Variants in LRRC1 observed in about 807,000 individuals in gnomAD.
LRRC1 encodes leucine-rich repeat-containing protein 1.
In LRRC1, 28 loss-of-function variants were observed where a neutral mutation model predicts 69.9. That is an observed-to-expected ratio of 0.40 (90% CI 0.30 to 0.55). The LOEUF is 0.55. LRRC1 is among the 20% of genes least tolerant of loss of function. The pLI, the probability that LRRC1 is intolerant of heterozygous loss-of-function variation, is 0.47. For missense variants in LRRC1, 498 were observed against 609.0 expected (o/e 0.82, Z 1.92); for synonymous variants, 236 against 240.2 (o/e 0.98, Z 0.16).
At chr6:53,857,731 CAG>C (rs1166879358) in intron 2 of LRRC1, among the ~76,000 whole-genome samples, 3 of 152,194 alleles carry the variant, frequency 2.0e-5, no homozygotes, top group Non-Finnish European at 2.9e-5. Flanking sequence ...ACACCAAAGA[CAG>C]TGTCAAAAGT....
At chr6:53,878,934 G>T in intron 2 of LRRC1, 59 bp from the exon 3 acceptor site, 1 of 960,474 alleles carries the variant, frequency 1.0e-6, no homozygotes, top group South Asian at 1.4e-5. Flanking sequence ...TCCATCTTGA[G>T]AGTGATGAAA....
At chr6:53,897,466 C>A in intron 7 of LRRC1, 107 bp downstream of exon 7, 1 of 741,614 alleles carries the variant, frequency 1.3e-6, no homozygotes, top group East Asian at 2.8e-5. Context: ...TCTTGAAAAC[C>A]AAAAACATTG....
At chr6:53,920,463 GT>G in intron 12 of LRRC1, 161 bp from the exon 13 acceptor site, 1 of 611,116 alleles carries the variant, frequency 1.6e-6, no homozygotes, top group Non-Finnish European at 2.8e-6. Flanking sequence ...TTTTGTGTGT[GT>G]TTGTGTTTTA....
chr6:53,836,039 T>C (rs1424014906), intron 1 of LRRC1, among the ~76,000 whole-genome samples: 1 of 152,228 alleles, frequency 6.6e-6, no homozygotes, highest in Non-Finnish European at 1.5e-5. Context: ...TTGCAGCTTT[T>C]GCCGTTGCCC....
At chr6:53,818,611 AT>A (rs1765021367) in intron 1 of LRRC1, among the ~76,000 whole-genome samples, 1 of 152,220 alleles carries the variant, frequency 6.6e-6, no homozygotes, top group Non-Finnish European at 1.5e-5. Flanking sequence ...TTACAAAACA[AT>A]GCTAAACTCT....
chr6:53,795,828 GC>G (rs1234389499), intron 1 of LRRC1, among the ~76,000 whole-genome samples: 2 of 152,218 alleles, frequency 1.3e-5, no homozygotes, highest in Non-Finnish European at 2.9e-5. Context: ...CCCACCAAGG[GC>G]CGGGCGCGCC....
intron 4 of LRRC1, chr6:53,883,860 T>C: frequency 1.4e-6 from 1 of 714,178 alleles, no homozygotes; most frequent in South Asian, 1.5e-5. Context: ...TTGAGCACAG[T>C]CTGACATGTC....
At chr6:53,864,388 T>C (rs1486035870) in intron 2 of LRRC1, among the ~76,000 whole-genome samples, 1 of 152,156 alleles carries the variant, frequency 6.6e-6, no homozygotes, top group Non-Finnish European at 1.5e-5. Flanking sequence ...TTCTGACTCC[T>C]CATTTTGTCT....
chr6:53,910,560 G>C (rs906360798), intron 10 of LRRC1, among the ~76,000 whole-genome samples: 1 of 152,082 alleles, frequency 6.6e-6, no homozygotes, highest in East Asian at 1.9e-4. Flanking sequence ...AACATAGTAG[G>C]TATTCAGGTG....
intron 1 of LRRC1, among the ~76,000 whole-genome samples, chr6:53,840,246 G>T (rs1027300566): frequency 6.6e-6 from 1 of 152,102 alleles, no homozygotes; most frequent in African/African-American, 2.4e-5. Context: ...TTGATAGTTT[G>T]GCTGGGTATA....
chr6:53,882,552 A>G (rs1019405962), intron 3 of LRRC1, among the ~76,000 whole-genome samples: 5 of 152,194 alleles, frequency 3.3e-5, no homozygotes, highest in African/African-American at 1.2e-4. Flanking sequence ...AGCTGCAGCA[A>G]TAATTCATCA....
At chr6:53,802,510 G>A (rs1764515237) in intron 1 of LRRC1, among the ~76,000 whole-genome samples, 1 of 152,164 alleles carries the variant, frequency 6.6e-6, no homozygotes, top group Admixed American at 6.5e-5. Flanking sequence ...TTCCTTGATT[G>A]TGGGGTGCCC....
chr6:53,878,679 G>A (rs1003030108), intron 2 of LRRC1, among the ~76,000 whole-genome samples: 3 of 152,146 alleles, frequency 2.0e-5, no homozygotes, highest in Non-Finnish European at 4.4e-5. Flanking sequence ...TGTGCATCCC[G>A]GTTCCTCACA....
At chr6:53,883,231 A>G (rs1198469113) in intron 4 of LRRC1, among the ~76,000 whole-genome samples, 1 of 152,226 alleles carries the variant, frequency 6.6e-6, no homozygotes, top group Non-Finnish European at 1.5e-5. Context: ...AGTGCTCTTT[A>G]AACTGATGTA....
intron 10 of LRRC1, among the ~76,000 whole-genome samples, chr6:53,912,235 G>A (rs942639254): frequency 6.6e-6 from 1 of 152,080 alleles, no homozygotes; most frequent in African/African-American, 2.4e-5. Flanking sequence ...TTCTTCATGT[G>A]GTATTTTGTG....
chr6:53,875,616 C>T (rs1236139045), intron 2 of LRRC1, among the ~76,000 whole-genome samples: 1 of 151,964 alleles, frequency 6.6e-6, no homozygotes, highest in Admixed American at 6.6e-5. Flanking sequence ...TAAAAGTGCA[C>T]TACTTTGGAA....
At chr6:53,833,091 A>G (rs114613823) in intron 1 of LRRC1, among the ~76,000 whole-genome samples, 21 of 152,068 alleles carry the variant, frequency 1.4e-4, no homozygotes, top group African/African-American at 5.1e-4. Flanking sequence ...TGAGGTACCA[A>G]CCCTGCTTGG....
chr6:53,810,895 A>C (rs1217330967), intron 1 of LRRC1, among the ~76,000 whole-genome samples: 1 of 152,082 alleles, frequency 6.6e-6, no homozygotes, highest in African/African-American at 2.4e-5. Flanking sequence ...CCAGGTCTCC[A>C]ATCTGTCAAC....
intron 2 of LRRC1, among the ~76,000 whole-genome samples, chr6:53,852,281 T>C (rs1766162347): frequency 1.3e-5 from 2 of 152,238 alleles, no homozygotes; most frequent in South Asian, 4.1e-4. Flanking sequence ...ACACTCCGTA[T>C]AGATGCTGTA....
Sources: allele counts gnomAD v4.1 joint callset (sites outside exome capture counted in the v4.1 genomes callset), GRCh38; gene constraint gnomAD v4.1.1; transcripts MANE v1.5; gene names NCBI Gene and HGNC (gene_info 2026-07-23, HGNC 2026-07-21).